Variants in PPP1R42 observed in about 807,000 individuals in gnomAD.
PPP1R42 encodes the protein protein phosphatase 1 regulatory subunit 42.
Under a neutral mutation model 31.0 loss-of-function variants are expected in PPP1R42, and 34 were observed. The observed-to-expected ratio is 1.10, with a 90% CI of 0.83 to 1.46. PPP1R42 has a LOEUF of 1.46. PPP1R42 is among the 40% of genes most tolerant of loss of function. The pLI, the probability that PPP1R42 is intolerant of heterozygous loss-of-function variation, is 0.00. For synonymous variants in PPP1R42, 103 were observed against 109.8 expected, an observed-to-expected ratio of 0.94 and a Z score of 0.39; for missense variants, 268 against 303.0, an observed-to-expected ratio of 0.88 and a Z score of 0.86.
At chr8:66,982,947 A>C (rs2130925128) in intron 6 of PPP1R42, among the ~76,000 whole-genome samples, 1 of 151,158 alleles carries the variant, frequency 6.6e-6, no homozygotes, top group Non-Finnish European at 1.5e-5. Flanking sequence ...TGGATAATTA[A>C]AAGCTTTTTT....
chr8:67,004,828 T>C (rs1411735083), intron 5 of PPP1R42, among the ~76,000 whole-genome samples: 6 of 152,204 alleles, frequency 3.9e-5, no homozygotes, highest in African/African-American at 1.4e-4. Flanking sequence ...GAATGAGAGC[T>C]TTCTGTGCAA....
At chr8:67,014,936 T>G (rs1815958095) in intron 2 of PPP1R42, among the ~76,000 whole-genome samples, 1 of 152,220 alleles carries the variant, frequency 6.6e-6, no homozygotes, top group South Asian at 2.1e-4. Flanking sequence ...GGGTTTAATA[T>G]TTCTGTAGAA....
intron 5 of PPP1R42, among the ~76,000 whole-genome samples, chr8:66,993,840 G>A (rs1236455158): frequency 6.6e-6 from 1 of 151,954 alleles, no homozygotes; most frequent in Non-Finnish European, 1.5e-5. Context: ...TATGAGAGAT[G>A]AATGAATGAA....
intron 5 of PPP1R42, among the ~76,000 whole-genome samples, chr8:67,002,737 A>G (rs1585666282): frequency 1.0e-5 from 1 of 96,686 alleles, no homozygotes; most frequent in Non-Finnish European, 2.2e-5. Flanking sequence ...TTTTTTTTTC[A>G]GTGTTTTTTT....
chr8:66,987,224 T>C (rs1815045303), intron 6 of PPP1R42, among the ~76,000 whole-genome samples: 2 of 151,890 alleles, frequency 1.3e-5, no homozygotes, highest in Admixed American at 6.6e-5. Context: ...CAAACAGAGC[T>C]GAGGAATGAC....
At chr8:66,973,117 C>G (rs1440453259) in intron 7 of PPP1R42, among the ~76,000 whole-genome samples, 5 of 152,112 alleles carry the variant, frequency 3.3e-5, no homozygotes, top group Non-Finnish European at 7.3e-5. Context: ...CCCTTGCCCC[C>G]TCTTCTTTGC....
chr8:66,984,233 A>ATTTCCCC, intron 6 of PPP1R42: 2 of 1,501,814 alleles, frequency 1.3e-6, no homozygotes, highest in Non-Finnish European at 1.9e-6. Context: ...TCTATAGGAC[A>ATTTCCCC]CTGTTTAAAC....
At chr8:66,991,326 T>C (rs908698489) in intron 5 of PPP1R42, among the ~76,000 whole-genome samples, 3 of 152,176 alleles carry the variant, frequency 2.0e-5, no homozygotes, top group Admixed American at 2.0e-4. Context: ...AATGCAAAAG[T>C]CTTATTGTAA....
intron 7 of PPP1R42, among the ~76,000 whole-genome samples, chr8:66,976,611 GTTTT>G (rs561585989): frequency 7.5e-6 from 1 of 133,420 alleles, no homozygotes. Context: ...CAACTTTTTG[GTTTT>G]TTTTTTTTTT....
At chr8:67,019,740 T>C (rs1372181080) in intron 1 of PPP1R42, among the ~76,000 whole-genome samples, 3 of 151,250 alleles carry the variant, frequency 2.0e-5, no homozygotes, top group African/African-American at 7.3e-5. Context: ...TACAAAAAAT[T>C]AGCCAGGCAT....
chr8:66,995,809 G>A (rs1815317965), intron 5 of PPP1R42, among the ~76,000 whole-genome samples: 1 of 151,932 alleles, frequency 6.6e-6, no homozygotes, highest in South Asian at 2.1e-4. Flanking sequence ...AGTATGTCAG[G>A]GCTTATAACA....
chr8:66,992,923 C>A (rs1035846797), intron 5 of PPP1R42, among the ~76,000 whole-genome samples: 1 of 152,268 alleles, frequency 6.6e-6, no homozygotes, highest in East Asian at 1.9e-4. Flanking sequence ...TTTCAGTGAC[C>A]ACTTAATACG....
chr8:66,967,551 T>C (rs1457343430), intron 7 of PPP1R42, among the ~76,000 whole-genome samples: 1 of 152,250 alleles, frequency 6.6e-6, no homozygotes, highest in East Asian at 1.9e-4. Flanking sequence ...AGATCTGTTG[T>C]TACAACTGTT....
chr8:67,010,527 G>A, intron 5 of PPP1R42, 188 bp downstream of exon 5: 1 of 528,272 alleles, frequency 1.9e-6, no homozygotes, highest in South Asian at 2.5e-5. Flanking sequence ...GGAGTATAAA[G>A]GAGAAAACTA....
rs564304465 is a variant in PPP1R42 at position 66,966,290 on chromosome 8, A to G, written c.803-1956T>C. ...TCACTTATTATCCCTTCCTGTTCCT[A>G]AGGGTGGTTTTCTTTGAGAGTCCCC... On this transcript the variant is annotated intron_variant, in intron 7 of 7. Coordinates refer to ENST00000685739, the MANE Select transcript of PPP1R42 (RefSeq NM_001364910.1). Among the ~76,000 whole-genome samples, 20 of 151,930 alleles carry G rather than the reference A, an allele frequency of 1.3e-4. 1 individual carries two copies. Among genetic ancestry groups the G allele is most frequent in the Admixed American group, 9.2e-4 (14 of 15,246 alleles).
chr8:66,986,025 C>T (rs1814998821), intron 6 of PPP1R42: 1 of 749,514 alleles, frequency 1.3e-6, no homozygotes, highest in Non-Finnish European at 2.5e-6. Context: ...CTCCTACAGC[C>T]TCAGTTTGTC....
chr8:66,981,380 CTT>C (rs1175089191), intron 7 of PPP1R42, among the ~76,000 whole-genome samples: 19 of 136,142 alleles, frequency 1.4e-4, no homozygotes, highest in Non-Finnish European at 1.1e-4. Context: ...GATTTTTGCA[CTT>C]TTTTTTTTTT....
At position 67,028,553 on chromosome 8, in the gene PPP1R42, A is replaced by T; in HGVS notation, c.-147T>A. 1 of 985,522 alleles carries T rather than the reference A, an allele frequency of 1.0e-6. No homozygotes were observed. Among genetic ancestry groups the T allele is most frequent in the South Asian group, 4.7e-5 (1 of 21,292 alleles). 61.0% of individuals were successfully genotyped at this position (985,522 alleles called of 1,614,324 possible). A position where few individuals can be genotyped will look rare whatever the true frequency, so the allele number is the denominator to read the frequency against. ...TCGGTTTCATCGGCGCCGGGTCCCT[A>T]CGCAGACCAGCGGCGGTTGCTGGGC... On this transcript the variant is annotated 5_prime_UTR_variant, in exon 1 of 8. Transcript: ENST00000685739.
chr8:66,969,403 A>G (rs1039035971), intron 7 of PPP1R42, among the ~76,000 whole-genome samples: 3 of 152,228 alleles, frequency 2.0e-5, no homozygotes, highest in African/African-American at 4.8e-5. Flanking sequence ...CAAGTAGGCA[A>G]TGGTTTGGTG....
Sources: gnomAD v4.1 joint callset for allele counts (sites outside exome capture counted in the v4.1 genomes callset) on GRCh38, gnomAD v4.1.1 for gene constraint, MANE v1.5 for transcripts, NCBI Gene and HGNC (gene_info 2026-07-23, HGNC 2026-07-21) for gene names.